The following BANP variants were observed in gnomAD, a reference collection of about 807,000 sequenced individuals.
The protein encoded by BANP is protein BANP.
In BANP, 11 loss-of-function variants were observed where a neutral mutation model predicts 68.1. The observed-to-expected ratio is 0.16, with a 90% CI of 0.10 to 0.27. The LOEUF is 0.27. BANP is among the 10% of genes least tolerant of loss of function. The pLI, the probability that BANP is intolerant of heterozygous loss-of-function variation, is 1.00. For synonymous variants in BANP, 329 were observed against 303.2 expected (o/e 1.09, Z -0.88); for missense variants, 504 against 722.7 (o/e 0.70, Z 3.47).
At position 88,037,981 on chromosome 16, in the gene BANP, C is replaced by G. The variant is rs754395198; in HGVS notation, c.1281C>G (p.Leu427=). ...CCTCTCGTTCTTTGTAGGGCAACCT[C>G]CAGATCCATCACGTGGGGCAGGACG... The part of the protein sequence containing the change: ...VQITQDSEGN[L]QIHHVGQDGQ... Residue 427 remains leucine (L), a synonymous_variant, in exon 11 of 14, where the codon CTC becomes CTG. Transcript: ENST00000682872. 12 of 1,613,830 alleles carry G rather than the reference C, an allele frequency of 7.4e-6. No homozygotes were observed. Among genetic ancestry groups the G allele is most frequent in the East Asian group, 6.7e-5 (3 of 44,886 alleles).
At chr16:87,975,605 GT>G (rs1567633161) in intron 2 of BANP, among the ~76,000 whole-genome samples, 4 of 134,484 alleles carry the variant, frequency 3.0e-5, no homozygotes, top group Admixed American at 7.2e-5. Flanking sequence ...ACCATGTTGT[GT>G]GTGTAATCCC....
chr16:88,031,190 A>G (rs2078094230), intron 8 of BANP, among the ~76,000 whole-genome samples: 1 of 152,248 alleles, frequency 6.6e-6, no homozygotes, highest in Admixed American at 6.5e-5. Context: ...GACATGACCC[A>G]TCACTGGAGG....
intron 11 of BANP, among the ~76,000 whole-genome samples, chr16:88,059,965 G>A (rs897232382): frequency 1.3e-5 from 2 of 152,236 alleles, no homozygotes; most frequent in Non-Finnish European, 2.9e-5. Context: ...GAGGGCTGAG[G>A]TTGGCACAGG....
At chr16:88,031,023 C>T (rs558590970) in intron 8 of BANP, among the ~76,000 whole-genome samples, 173 of 152,334 alleles carry the variant, frequency 1.1e-3, no homozygotes, top group African/African-American at 3.9e-3. Context: ...AGCAGCTCCG[C>T]GGAGGTGGGC....
intron 11 of BANP, among the ~76,000 whole-genome samples, chr16:88,046,546 T>C (rs749393642): frequency 4.6e-5 from 7 of 152,078 alleles, no homozygotes; most frequent in Admixed American, 6.6e-5. Context: ...AAAAATGTTT[T>C]TAATTTTTAT....
At chr16:87,955,928 CAGGG>C (rs2057956619) in intron 1 of BANP, among the ~76,000 whole-genome samples, 1 of 152,206 alleles carries the variant, frequency 6.6e-6, no homozygotes, top group Non-Finnish European at 1.5e-5. Flanking sequence ...TCTTGAAAGA[CAGGG>C]AGGCTCAGAA....
chr16:88,045,172 C>G (rs1293013536), intron 11 of BANP, among the ~76,000 whole-genome samples: 1 of 152,074 alleles, frequency 6.6e-6, no homozygotes, highest in Non-Finnish European at 1.5e-5. Context: ...GGCTTTTCAT[C>G]TAGATCAGGA....
At chr16:87,986,854 G>A (rs2064567312) in intron 4 of BANP, among the ~76,000 whole-genome samples, 1 of 152,058 alleles carries the variant, frequency 6.6e-6, no homozygotes, top group Non-Finnish European at 1.5e-5. Flanking sequence ...GAGATCTTCC[G>A]GTTTGAAAGA....
At chr16:88,069,648 A>G (rs1348598732) in intron 12 of BANP, among the ~76,000 whole-genome samples, 1 of 152,190 alleles carries the variant, frequency 6.6e-6, no homozygotes, top group African/African-American at 2.4e-5. Flanking sequence ...CCCAGGTCTC[A>G]GTTCCTCATC....
intron 4 of BANP, among the ~76,000 whole-genome samples, chr16:87,995,141 A>G (rs982808890): frequency 4.6e-5 from 7 of 152,376 alleles, no homozygotes; most frequent in African/African-American, 9.6e-5. Context: ...GAGTCCATCA[A>G]TGGAGTCTGG....
chr16:87,988,752 C>G (rs908179312), intron 4 of BANP, among the ~76,000 whole-genome samples: 1 of 152,122 alleles, frequency 6.6e-6, no homozygotes, highest in African/African-American at 2.4e-5. Flanking sequence ...TGAGTTGTGA[C>G]GAGGCCCCCG....
At chr16:87,996,471 G>C (rs976136366) in intron 4 of BANP, among the ~76,000 whole-genome samples, 13 of 83,592 alleles carry the variant, frequency 1.6e-4, no homozygotes, top group African/African-American at 6.1e-4. Flanking sequence ...GCTGGGCTCT[G>C]GTTCTGAGTG....
intron 12 of BANP, among the ~76,000 whole-genome samples, chr16:88,068,661 G>A (rs1432772114): frequency 6.6e-6 from 1 of 151,934 alleles, no homozygotes; most frequent in Non-Finnish European, 1.5e-5. Flanking sequence ...TGGCAGGAAC[G>A]TGGGTGGCTG....
At chr16:88,054,044 CCAT>C (rs373608000) in intron 11 of BANP, among the ~76,000 whole-genome samples, 1,504 of 91,336 alleles carry the variant, frequency 0.016, 95 homozygotes, top group African/African-American at 0.03. Context: ...ACTGTCATCT[CCAT>C]CATCATCATC....
In BANP at chr16:87,971,889, C is replaced by A. The variant is rs557919506; in HGVS notation, c.-68-3159C>A. Among the ~76,000 whole-genome samples the A allele has an allele frequency of 2.6e-5, 4 of 152,222 alleles. No individual in the cohort carries two copies. In the South Asian group the frequency reaches 8.3e-4, roughly 32 times the overall value. ...CTTGCCACAGCCTTGCCCTCCCAGA[C>A]TCAAGTGATTTTCCCACCTCAGCCT... On this transcript the variant is annotated intron_variant, in intron 1 of 13. Transcript: ENST00000682872.
chr16:87,953,440 C>G (rs2057390191), intron 1 of BANP, among the ~76,000 whole-genome samples: 1 of 152,110 alleles, frequency 6.6e-6, no homozygotes, highest in Non-Finnish European at 1.5e-5. Flanking sequence ...AACTCCTGAG[C>G]TCAAGTGATC....
At chr16:87,952,335 C>G (rs546684700) in intron 1 of BANP, 2 of 152,198 alleles carry the variant, frequency 1.3e-5, no homozygotes, top group African/African-American at 4.8e-5. Context: ...GCAAGTGGAG[C>G]GAGTGTGGGC....
intron 4 of BANP, among the ~76,000 whole-genome samples, chr16:87,994,118 G>A (rs1332772093): frequency 6.6e-6 from 1 of 150,962 alleles, no homozygotes; most frequent in Non-Finnish European, 1.5e-5. Context: ...GTGTGCTGCG[G>A]TGCACTGTGT....
rs2090461742 is a variant in BANP, at chr16:88,071,994, C to G, written c.1378-75C>G. On this transcript the variant is annotated intron_variant, in intron 12 of 13. Coordinates refer to ENST00000682872, the MANE Select transcript of BANP (RefSeq NM_001386991.1). This position sits in a 1 kb window ranked among gnomAD's most constrained non-coding sequence, Gnocchi z 6.5. Reference sequence around the variant, plus strand: ...GCACGTGTGGGCTGGGGTCTGCGGTCTGTGGAGCCATGTGGGTTGTGGGTT... The same window carrying G: ...GCACGTGTGGGCTGGGGTCTGCGGTGTGTGGAGCCATGTGGGTTGTGGGTT... The G allele has an allele frequency of 6.5e-7, 1 of 1,529,122 alleles. No individual in the cohort carries two copies. The highest frequency in any genetic ancestry group is 2.0e-5 in the Admixed American group (1 of 50,650). 94.7% of individuals were successfully genotyped at this position (1,529,122 alleles called of 1,614,324 possible). A position where few individuals can be genotyped will look rare whatever the true frequency, so the allele number is the denominator to read the frequency against.
Sources: gnomAD v4.1 joint callset for allele counts (sites outside exome capture counted in the v4.1 genomes callset) on GRCh38, gnomAD v4.1.1 for gene constraint, Gnocchi (gnomAD v3.1) non-coding constraint, MANE v1.5 for transcripts, NCBI Gene and HGNC (gene_info 2026-07-23, HGNC 2026-07-21) for gene names.